PLCB1: variants seen among roughly 807,000 people sequenced by gnomAD.
PLCB1 encodes the protein phospholipase C beta 1.
A neutral mutation model predicts 161.8 loss-of-function variants in PLCB1; 46 were observed. The observed-to-expected ratio is 0.28, with a 90% CI of 0.22 to 0.36. PLCB1 has a LOEUF of 0.36. PLCB1 is among the 10% of genes least tolerant of loss of function. The pLI is 1.00. For missense variants in PLCB1, 1,016 were observed against 1,472.5 expected, an observed-to-expected ratio of 0.69 and a Z score of 5.07; for synonymous variants, 517 against 503.7, an observed-to-expected ratio of 1.03 and a Z score of -0.35.
intron 31 of PLCB1, among the ~76,000 whole-genome samples, chr20:8,860,190 G>C (rs1386584637): frequency 6.6e-6 from 1 of 152,176 alleles, no homozygotes; most frequent in African/African-American, 2.4e-5. Flanking sequence ...ATTTAACCTA[G>C]TGCCAGGATA....
chr20:8,429,022 G>T (rs923279241), intron 3 of PLCB1, among the ~76,000 whole-genome samples: 6 of 152,084 alleles, frequency 3.9e-5, no homozygotes, highest in African/African-American at 1.5e-4. Flanking sequence ...CCTCTGAGAG[G>T]CCAGTATTAT....
chr20:8,670,344 AAAGT>A (rs1989912364), intron 9 of PLCB1, among the ~76,000 whole-genome samples: 1 of 152,248 alleles, frequency 6.6e-6, no homozygotes, highest in Non-Finnish European at 1.5e-5. Flanking sequence ...GTGCTAAATC[AAAGT>A]AAGGTGTTAT....
intron 23 of PLCB1, among the ~76,000 whole-genome samples, chr20:8,752,827 A>G (rs1166326113): frequency 6.6e-6 from 1 of 151,676 alleles, no homozygotes; most frequent in Non-Finnish European, 1.5e-5. Flanking sequence ...AGCCCTTAGC[A>G]AAAAAGTTTA....
In PLCB1 at chr20:8,213,555, G is replaced by A. The variant is rs533510777; in HGVS notation, c.177+63184G>A. On this transcript the variant is annotated intron_variant, in intron 2 of 31. Coordinates refer to ENST00000338037, the MANE Select transcript of PLCB1 (RefSeq NM_015192.4). Reference sequence around the variant, plus strand: ...GAGCCCAGAACACAAGGTGAAGTTTGGTCAAAGGTAAAGCCAGAACAGGGG... The same window carrying A: ...GAGCCCAGAACACAAGGTGAAGTTTAGTCAAAGGTAAAGCCAGAACAGGGG... Among the ~76,000 whole-genome samples the A allele has an allele frequency of 4.5e-3, 678 of 152,166 alleles. 3 individuals carry two copies. Among genetic ancestry groups the A allele is most frequent in the Non-Finnish European group, 6.5e-3 (445 of 67,982 alleles).
At chr20:8,659,513 T>A (rs546859561) in intron 9 of PLCB1, among the ~76,000 whole-genome samples, 9 of 152,230 alleles carry the variant, frequency 5.9e-5, no homozygotes, top group African/African-American at 2.2e-4. Flanking sequence ...TAAAGTACAA[T>A]TAACCAATTA....
At chr20:8,182,908 A>T (rs999146775) in intron 2 of PLCB1, among the ~76,000 whole-genome samples, 2 of 152,160 alleles carry the variant, frequency 1.3e-5, no homozygotes, top group African/African-American at 4.8e-5. Flanking sequence ...ATTTGCAGCC[A>T]CTGAGATAAA....
chr20:8,249,304 T>A (rs1415748942), intron 2 of PLCB1, among the ~76,000 whole-genome samples: 1 of 151,988 alleles, frequency 6.6e-6, no homozygotes, highest in Non-Finnish European at 1.5e-5. Flanking sequence ...TTTTAAGGTG[T>A]AATTATTTCT....
At chr20:8,143,534 T>G (rs2051424510) in intron 1 of PLCB1, among the ~76,000 whole-genome samples, 1 of 152,100 alleles carries the variant, frequency 6.6e-6, no homozygotes, top group Admixed American at 6.5e-5. Context: ...CAAATAGAGG[T>G]ACAATTATTT....
intron 4 of PLCB1, among the ~76,000 whole-genome samples, chr20:8,645,518 G>A (rs1989144863): frequency 6.6e-6 from 1 of 152,152 alleles, no homozygotes; most frequent in African/African-American, 2.4e-5. Context: ...TATCTTGGAA[G>A]CCTAGTGAGA....
chr20:8,363,001 A>T (rs1156819112), intron 2 of PLCB1, among the ~76,000 whole-genome samples: 1 of 152,144 alleles, frequency 6.6e-6, no homozygotes, highest in Non-Finnish European at 1.5e-5. Context: ...TTCTGTTCCC[A>T]GTTACTATGA....
At chr20:8,855,797 A>G (rs1987047528) in intron 31 of PLCB1, among the ~76,000 whole-genome samples, 1 of 152,204 alleles carries the variant, frequency 6.6e-6, no homozygotes, top group African/African-American at 2.4e-5. Flanking sequence ...GAATATCTGA[A>G]TGACTTCTGG....
In PLCB1 at chr20:8,510,627, G is replaced by T. The variant is rs570151889; in HGVS notation, c.247-117667G>T. On this transcript the variant is annotated intron_variant, in intron 3 of 31. Coordinates refer to ENST00000338037, the MANE Select transcript of PLCB1 (RefSeq NM_015192.4). ...GCTGGTTTCCAACCCCTGACCACAG[G>T]TGATCCGCCCGCCTCGGCCTCCCAA... 8.2e-4 allele frequency among the ~76,000 whole-genome samples: 125 copies of T among 152,194 alleles called. 1 individual carries two copies. The highest frequency in any genetic ancestry group is 2.7e-3 in the African/African-American group (113 of 41,556).
chr20:8,158,452 A>G (rs1346353029), intron 2 of PLCB1, among the ~76,000 whole-genome samples: 1 of 152,158 alleles, frequency 6.6e-6, no homozygotes, highest in Non-Finnish European at 1.5e-5. Flanking sequence ...CATACGGGAA[A>G]TCAAGCTGAG....
At chr20:8,721,766 G>A (rs770257148) in intron 14 of PLCB1, among the ~76,000 whole-genome samples, 3 of 152,158 alleles carry the variant, frequency 2.0e-5, no homozygotes, top group Non-Finnish European at 4.4e-5. Flanking sequence ...CGATTTTTAT[G>A]TAGTGACTTT....
chr20:8,669,360 A>T (rs1214417746), intron 9 of PLCB1, among the ~76,000 whole-genome samples: 1 of 152,206 alleles, frequency 6.6e-6, no homozygotes, highest in Non-Finnish European at 1.5e-5. Flanking sequence ...AAAACCTCAG[A>T]CAAGTCTTCA....
At chr20:8,340,554 C>T (rs953244874) in intron 2 of PLCB1, among the ~76,000 whole-genome samples, 1 of 152,026 alleles carries the variant, frequency 6.6e-6, no homozygotes, top group African/African-American at 2.4e-5. Context: ...TCCCGCGTAG[C>T]TGGGACTACA....
chr20:8,326,216 A>G (rs1985146329), intron 2 of PLCB1, among the ~76,000 whole-genome samples: 1 of 152,230 alleles, frequency 6.6e-6, no homozygotes, highest in Admixed American at 6.5e-5. Context: ...CATACTAAAT[A>G]TTAATTCTCT....
chr20:8,287,489 A>G (rs1983174600), intron 2 of PLCB1, among the ~76,000 whole-genome samples: 1 of 152,208 alleles, frequency 6.6e-6, no homozygotes, highest in Non-Finnish European at 1.5e-5. Flanking sequence ...ATGGAGAGCC[A>G]GATGGTGCCT....
chr20:8,588,126 A>T (rs1987044846), intron 3 of PLCB1, among the ~76,000 whole-genome samples: 1 of 152,222 alleles, frequency 6.6e-6, no homozygotes, highest in Admixed American at 6.5e-5. Context: ...TATTGAATAT[A>T]TACTTCGTGT....
Sources: allele counts gnomAD v4.1 joint callset (sites outside exome capture counted in the v4.1 genomes callset), GRCh38; gene constraint gnomAD v4.1.1; transcripts MANE v1.5; gene names NCBI Gene and HGNC (gene_info 2026-07-23, HGNC 2026-07-21).